HOOK3: variants seen among roughly 807,000 people sequenced by gnomAD.
HOOK3 encodes the protein hook microtubule tethering protein 3, also known as protein Hook homolog 3.
A neutral mutation model predicts 116.3 loss-of-function variants in HOOK3; 24 were observed. The ratio of observed to expected loss-of-function variants is 0.21; its 90% CI spans 0.15 to 0.29. The LOEUF is 0.29. Ranked by LOEUF, HOOK3 falls within the 10% of genes least tolerant of loss-of-function variation. The pLI, the probability that HOOK3 is intolerant of heterozygous loss-of-function variation, is 1.00. For synonymous variants in HOOK3, 275 were observed against 283.0 expected (o/e 0.97, Z 0.28); for missense variants, 632 against 830.2 (o/e 0.76, Z 2.93).
chr8:42,939,632 A>G (rs1268751393), intron 4 of HOOK3, among the ~76,000 whole-genome samples: 1 of 125,930 alleles, frequency 7.9e-6, no homozygotes, highest in Non-Finnish European at 1.7e-5. Flanking sequence ...TGACCCCCCC[A>G]CCTCCCTCCC....
At chr8:42,954,814 T>TGAG (rs1808405156) in intron 6 of HOOK3, among the ~76,000 whole-genome samples, 1 of 152,038 alleles carries the variant, frequency 6.6e-6, no homozygotes, top group African/African-American at 2.4e-5. Context: ...TAGCCTTGGG[T>TGAG]GAGAAGAAGA....
In HOOK3 at chr8:43,018,357, G is replaced by T; in HGVS notation, c.2017-1G>T. ...TTCCTTTTTTTGTTTTAATGTTGCA[G>T]GGAATGACCCTGCATAAAAAGGCAG... is the stretch of plus-strand genomic sequence containing the variant. On this transcript the variant is annotated splice_acceptor_variant, in intron 21 of 21. Coordinates refer to ENST00000307602, the MANE Select transcript of HOOK3 (RefSeq NM_032410.4). LOFTEE classifies it high-confidence loss of function. 6.4e-7 allele frequency: 1 copy of T among 1,569,434 alleles called. No homozygotes were observed.
At chr8:43,005,306 C>T (rs1356590263) in intron 17 of HOOK3, among the ~76,000 whole-genome samples, 4 of 149,508 alleles carry the variant, frequency 2.7e-5, no homozygotes, top group Non-Finnish European at 3.0e-5. Flanking sequence ...CTGCAAGCTC[C>T]GCTTCCCGGG....
In HOOK3 at chr8:43,021,104, GAAAAAA is replaced by G. The variant is rs34161624; in HGVS notation, c.*2630_*2635del. The G allele has an allele frequency of 2.0e-3, 63 of 32,266 alleles. No individual in the cohort carries two copies. Among genetic ancestry groups the G allele is most frequent in the African/African-American group, 5.7e-3 (61 of 10,628 alleles). 2.0% of individuals were successfully genotyped at this position (32,266 alleles called of 1,614,324 possible). ...CGACAAGAGCGAAACTCTGTCGCAA[GAAAAAA>G]AAAAAAAAAAAAAAAAAAAAAAACA... On this transcript the variant is annotated 3_prime_UTR_variant, in exon 22 of 22. Coordinates refer to ENST00000307602, the MANE Select transcript of HOOK3 (RefSeq NM_032410.4).
chr8:42,929,391 T>G (rs1245559294), intron 3 of HOOK3, among the ~76,000 whole-genome samples: 1 of 152,224 alleles, frequency 6.6e-6, no homozygotes, highest in Admixed American at 6.5e-5. Context: ...CCCTACTAGC[T>G]TCTTTTCTAG....
intron 1 of HOOK3, 183 bp downstream of exon 1, chr8:42,897,371 G>T (rs1387218464): frequency 5.0e-6 from 2 of 396,612 alleles, no homozygotes; most frequent in African/African-American, 4.1e-5. Context: ...CTGAGGCGTC[G>T]CTGTTCCGGG....
intron 4 of HOOK3, among the ~76,000 whole-genome samples, chr8:42,939,690 G>T (rs1162559501): frequency 6.6e-6 from 1 of 151,706 alleles, no homozygotes; most frequent in Non-Finnish European, 1.5e-5. Context: ...CCCAGACTGG[G>T]TGGCTGCTGG....
At chr8:42,995,977 C>G (rs1809256546) in intron 15 of HOOK3, among the ~76,000 whole-genome samples, 1 of 152,122 alleles carries the variant, frequency 6.6e-6, no homozygotes, top group Non-Finnish European at 1.5e-5. Context: ...GACATACTAC[C>G]TGTGTGGTCT....
At chr8:42,916,386 A>G (rs1365479536) in intron 2 of HOOK3, among the ~76,000 whole-genome samples, 1 of 152,204 alleles carries the variant, frequency 6.6e-6, no homozygotes, top group Non-Finnish European at 1.5e-5. Flanking sequence ...GGTGCCCTGT[A>G]GTTCCATTGG....
intron 21 of HOOK3, among the ~76,000 whole-genome samples, chr8:43,016,321 C>T (rs543453201): frequency 3.9e-5 from 6 of 152,114 alleles, no homozygotes; most frequent in African/African-American, 1.2e-4. Context: ...AGGGTTTCAC[C>T]GTTTTAGCCA....
intron 4 of HOOK3, among the ~76,000 whole-genome samples, chr8:42,935,889 C>T (rs571921908): frequency 6.6e-6 from 1 of 152,210 alleles, no homozygotes; most frequent in African/African-American, 2.4e-5. Context: ...TTTTTGGTTC[C>T]ATATGAAATT....
intron 21 of HOOK3, among the ~76,000 whole-genome samples, chr8:43,014,677 C>T (rs1809677778): frequency 6.6e-6 from 1 of 152,134 alleles, no homozygotes; most frequent in African/African-American, 2.4e-5. Flanking sequence ...CCCACTGTGA[C>T]CCTGTAGCTC....
At chr8:42,906,305 T>C (rs201426292) in intron 2 of HOOK3, 47 bp downstream of exon 2, 2 of 1,290,788 alleles carry the variant, frequency 1.5e-6, no homozygotes, top group African/African-American at 2.9e-5. Context: ...TGCATGGATA[T>C]TTGTTAGGTT....
At chr8:42,919,483 C>T (rs1276607712) in intron 2 of HOOK3, among the ~76,000 whole-genome samples, 1 of 150,638 alleles carries the variant, frequency 6.6e-6, no homozygotes, top group Non-Finnish European at 1.5e-5. Flanking sequence ...AGAGGGGCTC[C>T]TCACATCCCA....
At position 43,027,367 on chromosome 8, in the gene HOOK3, T is replaced by C. The variant is rs924415367; in HGVS notation, c.*8869T>C. Reference sequence around the variant, plus strand: ...TTATGTTACATAAATATGGACACAATTACTGCCAAAGAATAGAGAGATTTG... The same window carrying C: ...TTATGTTACATAAATATGGACACAACTACTGCCAAAGAATAGAGAGATTTG... On this transcript the variant is annotated 3_prime_UTR_variant, in exon 22 of 22. Transcript: ENST00000307602. 1 of 390,586 alleles carries C rather than the reference T, an allele frequency of 2.6e-6. No individual in the cohort carries two copies. Among genetic ancestry groups the C allele is most frequent in the African/African-American group, 2.1e-5 (1 of 47,484 alleles). 24.2% of individuals were successfully genotyped at this position (390,586 alleles called of 1,614,324 possible).
At chr8:42,906,625 T>A (rs147847542) in intron 2 of HOOK3, among the ~76,000 whole-genome samples, 299 of 152,310 alleles carry the variant, frequency 2.0e-3, no homozygotes, top group African/African-American at 6.7e-3. Flanking sequence ...CTGCCCTGAG[T>A]ACCCATATAA....
chr8:42,934,586 C>T (rs950157247), intron 4 of HOOK3, among the ~76,000 whole-genome samples: 5 of 151,930 alleles, frequency 3.3e-5, no homozygotes, highest in African/African-American at 9.7e-5. Flanking sequence ...ATGTTCCCTC[C>T]GTGTGTCCAT....
intron 2 of HOOK3, among the ~76,000 whole-genome samples, chr8:42,912,367 TTGTCTA>T (rs1807448683): frequency 6.6e-6 from 1 of 152,102 alleles, no homozygotes; most frequent in Non-Finnish European, 1.5e-5. Flanking sequence ...ACATCTCTCT[TTGTCTA>T]TGTAGATTCA....
chr8:42,999,382 T>C (rs191264882), intron 16 of HOOK3, among the ~76,000 whole-genome samples: 117 of 152,374 alleles, frequency 7.7e-4, no homozygotes, highest in African/African-American at 2.7e-3. Context: ...AACTTTGCTC[T>C]GAGTTCTTTT....
Sources: gnomAD v4.1 joint callset for allele counts (sites outside exome capture counted in the v4.1 genomes callset) on GRCh38, gnomAD v4.1.1 for gene constraint, MANE v1.5 for transcripts, NCBI Gene and HGNC (gene_info 2026-07-23, HGNC 2026-07-21) for gene names.